Variants in RHOBTB2 observed in about 807,000 individuals in gnomAD.
RHOBTB2 encodes the protein Rho related BTB domain containing 2.
A neutral mutation model predicts 66.5 loss-of-function variants in RHOBTB2; 39 were observed. The ratio of observed to expected loss-of-function variants is 0.59; its 90% confidence interval spans 0.45 to 0.77. The LOEUF (loss-of-function observed/expected upper bound fraction) is 0.77. Ranked by LOEUF, RHOBTB2 falls within the 30% of genes least tolerant of loss-of-function variation. The pLI is 0.00. For synonymous variants in RHOBTB2, 390 were observed against 395.0 expected (o/e 0.99, Z 0.15); for missense variants, 755 against 999.1 (o/e 0.76, Z 3.29).
At chr8:22,980,886 G>A in the RHOBTB2 span, among the ~76,000 whole-genome samples, 1 of 152,102 alleles carries the variant, frequency 6.6e-6, no homozygotes, top group Non-Finnish European at 1.5e-5. Context: ...CCCCATAGCC[G>A]TGACCCAAAA....
chr8:23,017,524 C>T lies in RHOBTB2; in HGVS notation c.*55C>T, dbSNP rs1431629457. On this transcript the variant is annotated 3_prime_UTR_variant, in exon 10 of 10. Transcript: ENST00000251822. The surrounding 1 kb of genome is among the most constrained non-coding windows in gnomAD (Gnocchi z 5.3). ...CTGTTGTCCCCATCCGCCTTCACCC[C>T]TCTGCTCTTCCGCATCACCCCATCC... The T allele has an allele frequency of 1.3e-6, 2 of 1,547,546 alleles. No individual in the cohort carries two copies. The highest frequency in any genetic ancestry group is 1.4e-5 in the African/African-American group (1 of 72,970).
chr8:23,002,169 T>C (rs1228455746), intron 1 of RHOBTB2, among the ~76,000 whole-genome samples: 1 of 152,244 alleles, frequency 6.6e-6, no homozygotes, highest in Admixed American at 6.5e-5. Context: ...AGAAGTTCTT[T>C]TGGCTCTTGG....
the RHOBTB2 span, among the ~76,000 whole-genome samples, chr8:22,964,084 T>C: frequency 7.2e-5 from 11 of 152,064 alleles, no homozygotes; most frequent in African/African-American, 2.7e-4. Flanking sequence ...CCCAGCCTCC[T>C]GTTTTTTTTG....
At chr8:23,001,616 C>G (rs1012600809) in intron 1 of RHOBTB2, among the ~76,000 whole-genome samples, 1 of 152,176 alleles carries the variant, frequency 6.6e-6, no homozygotes, top group African/African-American at 2.4e-5. Context: ...ACAAATACCT[C>G]CTTTCAGCCC....
At chr8:22,970,888 A>G in the RHOBTB2 span, among the ~76,000 whole-genome samples, 1 of 152,136 alleles carries the variant, frequency 6.6e-6, no homozygotes, top group African/African-American at 2.4e-5. Flanking sequence ...TGTCCCCTCA[A>G]TGTTGCACGG....
At chr8:22,975,260 C>T in the RHOBTB2 span, among the ~76,000 whole-genome samples, 3 of 152,168 alleles carry the variant, frequency 2.0e-5, no homozygotes, top group Non-Finnish European at 2.9e-5. Flanking sequence ...CTGTTTCTAC[C>T]TTAGAAGGGG....
At position 23,006,053 on chromosome 8, in the gene RHOBTB2, C is replaced by T. The variant is rs1321110860; in HGVS notation, c.390C>T (p.Cys130=). 4 of 1,613,972 alleles carry T rather than the reference C, an allele frequency of 2.5e-6. No individual in the cohort carries two copies. Among genetic ancestry groups the T allele is most frequent in the African/African-American group, 2.7e-5 (2 of 74,880 alleles). The part of the protein sequence containing the change: ...TMWYPEIKHF[C]PRAPVILVGC... ...GGTACCCAGAAATCAAGCACTTCTG[C>T]CCCCGAGCACCTGTCATCTTGGTGG... The change falls in exon 4 of 10, where the codon TGC becomes TGT. Residue 130 remains cysteine (C), a synonymous_variant. Transcript: ENST00000251822. The surrounding 1 kb of genome is among the most constrained non-coding windows in gnomAD (Gnocchi z 6.1).
the RHOBTB2 span, among the ~76,000 whole-genome samples, chr8:22,960,646 A>G: frequency 1.3e-5 from 2 of 152,132 alleles, no homozygotes; most frequent in African/African-American, 4.8e-5. Flanking sequence ...TGGAGGGTAC[A>G]ATCTTTGGCT....
intron 1 of RHOBTB2, among the ~76,000 whole-genome samples, chr8:23,000,567 G>A (rs1020659748): frequency 6.6e-6 from 1 of 152,114 alleles, no homozygotes; most frequent in Non-Finnish European, 1.5e-5. Context: ...GATCTTTGGC[G>A]GTGTTTGGTG....
intron 7 of RHOBTB2, among the ~76,000 whole-genome samples, chr8:23,013,921 T>TA (rs1811217766): frequency 6.6e-6 from 1 of 152,242 alleles, no homozygotes; most frequent in Non-Finnish European, 1.5e-5. Context: ...TCCAGAGTCT[T>TA]ACGAGCTTCC....
the RHOBTB2 span, among the ~76,000 whole-genome samples, chr8:22,982,019 C>T: frequency 2.0e-5 from 3 of 152,178 alleles, no homozygotes; most frequent in African/African-American, 7.2e-5. Flanking sequence ...TGACCGTTAC[C>T]AGAGAGGCTG....
chr8:22,989,958 C>T lies in RHOBTB2; in HGVS notation c.-136-2110C>T, dbSNP rs1463049406. ...CTCCAGTTTCCTTCTCTGCCAAATG[C>T]GGATAAGAATAGTTCCTCCATCTCA... On this transcript the variant is annotated intron_variant, in intron 1 of 11. Coordinates refer to the RHOBTB2 transcript ENST00000519685. Among the ~76,000 whole-genome samples, 5 of 152,104 alleles carry T rather than the reference C, an allele frequency of 3.3e-5. No individual in the cohort carries two copies. In the South Asian group the frequency reaches 1.0e-3, roughly 32 times the overall value.
chr8:22,984,335 T>A (rs1420197825), upstream of RHOBTB2, among the ~76,000 whole-genome samples: 3 of 152,100 alleles, frequency 2.0e-5, no homozygotes, highest in Non-Finnish European at 2.9e-5. Flanking sequence ...GAGGTAGAAA[T>A]TGGAAGTCAC....
At chr8:22,970,414 G>A in the RHOBTB2 span, among the ~76,000 whole-genome samples, 1 of 152,204 alleles carries the variant, frequency 6.6e-6, no homozygotes, top group South Asian at 2.1e-4. Context: ...TTCAACATAT[G>A]AATTTTGTTC....
At chr8:22,954,951 G>A in the RHOBTB2 span, among the ~76,000 whole-genome samples, 164 of 152,234 alleles carry the variant, frequency 1.1e-3, no homozygotes, top group Non-Finnish European at 2.0e-3. Flanking sequence ...AGCCAACATG[G>A]TGAAACCCAG....
At chr8:22,975,425 G>C in the RHOBTB2 span, among the ~76,000 whole-genome samples, 5 of 152,202 alleles carry the variant, frequency 3.3e-5, no homozygotes, top group Admixed American at 1.3e-4. Flanking sequence ...GAGCTGGCTA[G>C]AGGCACAGCA....
the RHOBTB2 span, among the ~76,000 whole-genome samples, chr8:22,975,152 T>C: frequency 7.5e-3 from 1,136 of 151,946 alleles, 12 homozygotes; most frequent in African/African-American, 0.025. Context: ...GCATCACATG[T>C]AAAGGGCTCA....
chr8:22,967,016 A>T, the RHOBTB2 span, among the ~76,000 whole-genome samples: 1 of 152,248 alleles, frequency 6.6e-6, no homozygotes, highest in South Asian at 2.1e-4. Context: ...ACATTAAAAA[A>T]TAGAATTACC....
At chr8:22,963,256 G>T in the RHOBTB2 span, among the ~76,000 whole-genome samples, 1 of 152,192 alleles carries the variant, frequency 6.6e-6, no homozygotes, top group African/African-American at 2.4e-5. Flanking sequence ...ACTCTGAATT[G>T]ATACACATCA....
Sources: gnomAD v4.1 joint callset for allele counts (sites outside exome capture counted in the v4.1 genomes callset) on GRCh38, gnomAD v4.1.1 for gene constraint, Gnocchi (gnomAD v3.1) non-coding constraint, MANE v1.5 for transcripts, NCBI Gene and HGNC (gene_info 2026-07-23, HGNC 2026-07-21) for gene names.